The following ADAMTSL1 variants were observed in gnomAD, a reference collection of about 807,000 sequenced individuals.
ADAMTSL1 encodes the protein ADAMTS like 1, also known as ADAMTS-like protein 1.
A neutral mutation model predicts 201.8 loss-of-function variants in ADAMTSL1; 126 were observed. That is an observed-to-expected ratio of 0.62 (90% CI 0.54 to 0.72). The LOEUF is 0.72. Ranked by LOEUF, ADAMTSL1 falls within the 30% of genes least tolerant of loss-of-function variation. The pLI is 0.00. For missense variants in ADAMTSL1, 2,679 were observed against 2,277.8 expected (o/e 1.18, Z -3.59); for synonymous variants, 1,121 against 903.4 (o/e 1.24, Z -4.32).
At chr9:18,673,774 G>A (rs1410120005) in intron 9 of ADAMTSL1, among the ~76,000 whole-genome samples, 2 of 152,160 alleles carry the variant, frequency 1.3e-5, no homozygotes, top group African/African-American at 4.8e-5. Context: ...AGAAATTGAT[G>A]TAGCATGAAT....
chr9:18,900,405 G>C (rs925594043), intron 26 of ADAMTSL1, among the ~76,000 whole-genome samples: 6 of 152,248 alleles, frequency 3.9e-5, no homozygotes, highest in Middle Eastern at 3.4e-3. Flanking sequence ...AATACCATTT[G>C]ACCCAGCAAT....
At chr9:18,795,871 T>A (rs185683772) in intron 20 of ADAMTSL1, among the ~76,000 whole-genome samples, 3 of 152,334 alleles carry the variant, frequency 2.0e-5, no homozygotes, top group Admixed American at 2.0e-4. Context: ...TGAATTATAA[T>A]CATTGAAGAC....
At chr9:18,359,209 T>C (rs561527619) in intron 2 of ADAMTSL1, among the ~76,000 whole-genome samples, 1 of 152,340 alleles carries the variant, frequency 6.6e-6, no homozygotes, top group East Asian at 1.9e-4. Context: ...CACTTACTTA[T>C]TAAGGAGTTT....
chr9:18,536,310 C>A (rs1819770599), intron 3 of ADAMTSL1, among the ~76,000 whole-genome samples: 1 of 152,054 alleles, frequency 6.6e-6, no homozygotes, highest in African/African-American at 2.4e-5. Context: ...TTCCTTGGGG[C>A]ACTTCTGAAC....
intron 2 of ADAMTSL1, among the ~76,000 whole-genome samples, chr9:18,365,604 A>G (rs1250105042): frequency 6.6e-6 from 1 of 152,232 alleles, no homozygotes; most frequent in Non-Finnish European, 1.5e-5. Flanking sequence ...AAGAAAAGGG[A>G]AAGAGGAACA....
intron 3 of ADAMTSL1, among the ~76,000 whole-genome samples, chr9:18,558,405 A>G (rs1171958652): frequency 2.0e-5 from 3 of 152,190 alleles, no homozygotes; most frequent in Non-Finnish European, 4.4e-5. Context: ...AATCCAGTCT[A>G]TCATTGATGG....
At chr9:18,274,707 C>G (rs1832517377) in intron 2 of ADAMTSL1, among the ~76,000 whole-genome samples, 1 of 151,886 alleles carries the variant, frequency 6.6e-6, no homozygotes, top group Non-Finnish European at 1.5e-5. Context: ...AGCATTAAGA[C>G]TAAAATAAAA....
intron 23 of ADAMTSL1, among the ~76,000 whole-genome samples, chr9:18,885,196 C>A (rs571363603): frequency 1.3e-5 from 2 of 152,274 alleles, no homozygotes; most frequent in South Asian, 4.1e-4. Context: ...TCCTTTGCAT[C>A]CTCCAAAAGG....
intron 2 of ADAMTSL1, among the ~76,000 whole-genome samples, chr9:18,266,788 A>G (rs1053566946): frequency 6.6e-6 from 1 of 152,076 alleles, no homozygotes; most frequent in Non-Finnish European, 1.5e-5. Flanking sequence ...CATTTCTCAC[A>G]TTGACGGTTC....
chr9:18,261,819 T>C (rs1391714084), intron 2 of ADAMTSL1, among the ~76,000 whole-genome samples: 1 of 152,162 alleles, frequency 6.6e-6, no homozygotes, highest in Non-Finnish European at 1.5e-5. Context: ...GGAAGCACCC[T>C]AAATAAAATC....
rs73645740 is a variant in ADAMTSL1, at chr9:18,223,932, A to G, written c.207+59951A>G. 1.2e-3 allele frequency among the ~76,000 whole-genome samples: 183 copies of G among 152,232 alleles called. 1 individual carries two copies. The highest frequency in any genetic ancestry group is 4.3e-3 in the African/African-American group (178 of 41,554). On this transcript the variant is annotated intron_variant, in intron 2 of 29. Coordinates refer to the ADAMTSL1 transcript ENST00000680146. ...TTTCCTCTGGTAGGCATTTGGGATC[A>G]TTGCTAATCTAGGACTCTTTTATAT...
At chr9:18,595,886 G>T (rs1318447653) in intron 4 of ADAMTSL1, among the ~76,000 whole-genome samples, 1 of 152,134 alleles carries the variant, frequency 6.6e-6, no homozygotes, top group Non-Finnish European at 1.5e-5. Context: ...GCTGGGTATT[G>T]GTCTGCACTC....
intron 2 of ADAMTSL1, among the ~76,000 whole-genome samples, chr9:18,357,463 C>G (rs982467551): frequency 2.0e-5 from 3 of 152,072 alleles, no homozygotes; most frequent in African/African-American, 7.2e-5. Flanking sequence ...GCAGGGAGTT[C>G]TAGATCAGAG....
intron 2 of ADAMTSL1, among the ~76,000 whole-genome samples, chr9:18,183,777 A>G (rs1828607122): frequency 6.6e-6 from 1 of 152,214 alleles, no homozygotes; most frequent in South Asian, 2.1e-4. Context: ...ACCAGTCTTT[A>G]TTTACAGGTT....
At chr9:18,613,982 G>A (rs1333503655) in intron 4 of ADAMTSL1, among the ~76,000 whole-genome samples, 1 of 152,166 alleles carries the variant, frequency 6.6e-6, no homozygotes, top group African/African-American at 2.4e-5. Context: ...TTTCTCAAAC[G>A]AAGACTTCAA....
intron 2 of ADAMTSL1, among the ~76,000 whole-genome samples, chr9:18,309,886 C>G (rs974800085): frequency 3.9e-5 from 6 of 151,910 alleles, no homozygotes; most frequent in African/African-American, 1.5e-4. Flanking sequence ...CCAAGACATT[C>G]CTAAGCAAAA....
intron 23 of ADAMTSL1, among the ~76,000 whole-genome samples, chr9:18,854,615 G>C (rs528642507): frequency 2.0e-5 from 3 of 152,240 alleles, no homozygotes. Context: ...TAGAGATGTC[G>C]GTAGCAGAGG....
intron 2 of ADAMTSL1, among the ~76,000 whole-genome samples, chr9:18,442,396 A>G (rs906964980): frequency 6.6e-6 from 1 of 152,192 alleles, no homozygotes. Context: ...AAGAGGATTG[A>G]TGTGGACTTG....
intron 2 of ADAMTSL1, among the ~76,000 whole-genome samples, chr9:18,219,902 T>C (rs927438664): frequency 1.3e-5 from 2 of 152,188 alleles, no homozygotes; most frequent in African/African-American, 4.8e-5. Flanking sequence ...ATATTAGTTT[T>C]TTTTCTATAG....
Sources: allele counts gnomAD v4.1 joint callset (sites outside exome capture counted in the v4.1 genomes callset), GRCh38; gene constraint gnomAD v4.1.1; transcripts MANE v1.5; gene names NCBI Gene and HGNC (gene_info 2026-07-23, HGNC 2026-07-21).